Variants in MSRB3 observed in about 807,000 individuals in gnomAD.
MSRB3 encodes the protein methionine-R-sulfoxide reductase B3.
Under a neutral mutation model 21.0 loss-of-function variants are expected in MSRB3, and 13 were observed. The ratio of observed to expected loss-of-function variants is 0.62; its 90% confidence interval spans 0.40 to 0.98. MSRB3 has a LOEUF of 0.98. Among genes scored for constraint, MSRB3 ranks in the 50% least tolerant of loss-of-function variants. The pLI is 0.00. For missense variants in MSRB3, 199 were observed against 230.3 expected, an observed-to-expected ratio of 0.86 and a Z score of 0.88; for synonymous variants, 87 against 88.6, an observed-to-expected ratio of 0.98 and a Z score of 0.10.
intron 4 of MSRB3, among the ~76,000 whole-genome samples, chr12:65,342,715 A>G (rs1876225304): frequency 6.6e-6 from 1 of 152,056 alleles, no homozygotes; most frequent in South Asian, 2.1e-4. Context: ...AAATAATTTC[A>G]ATGTCCAAAA....
chr12:65,405,248 G>A (rs1317578189), intron 5 of MSRB3, among the ~76,000 whole-genome samples: 2 of 151,910 alleles, frequency 1.3e-5, no homozygotes, highest in African/African-American at 4.8e-5. Flanking sequence ...CACCATACCT[G>A]GCTTACTTAA....
chr12:65,461,101 G>A (rs1031378153), intron 6 of MSRB3, among the ~76,000 whole-genome samples: 5 of 152,002 alleles, frequency 3.3e-5, no homozygotes, highest in Non-Finnish European at 5.9e-5. Flanking sequence ...AGGCTTTTAG[G>A]TATATGAAAA....
At chr12:65,306,168 T>C (rs746958585) in intron 1 of MSRB3, among the ~76,000 whole-genome samples, 1 of 152,228 alleles carries the variant, frequency 6.6e-6, no homozygotes, top group African/African-American at 2.4e-5. Flanking sequence ...CCATCTTTCA[T>C]GCAAATATAT....
chr12:65,418,804 G>C, intron 5 of MSRB3: 2 of 944,994 alleles, frequency 2.1e-6, no homozygotes, highest in Non-Finnish European at 3.4e-6. Context: ...CTTTTGGATG[G>C]TTTGCATGGA....
chr12:65,335,610 TTG>T (rs895293320), intron 4 of MSRB3, among the ~76,000 whole-genome samples: 1 of 151,778 alleles, frequency 6.6e-6, no homozygotes. Context: ...TGATGCAATT[TTG>T]TGTGTGTGTG....
chr12:65,320,687 C>G (rs1016936897), intron 2 of MSRB3, among the ~76,000 whole-genome samples: 3 of 152,084 alleles, frequency 2.0e-5, no homozygotes, highest in African/African-American at 4.8e-5. Flanking sequence ...AAATACTTTC[C>G]GAGAGCTATT....
chr12:65,351,475 A>C (rs1352276526), intron 4 of MSRB3, among the ~76,000 whole-genome samples: 2 of 148,026 alleles, frequency 1.4e-5, no homozygotes, highest in Non-Finnish European at 3.0e-5. Flanking sequence ...AGCAGAACTG[A>C]AGGAAATAGA....
intron 5 of MSRB3, among the ~76,000 whole-genome samples, chr12:65,443,821 G>T (rs1882493385): frequency 6.6e-6 from 1 of 152,002 alleles, no homozygotes; most frequent in African/African-American, 2.4e-5. Flanking sequence ...TTTTCATCCT[G>T]TAAAAAGGAA....
At chr12:65,360,640 GA>G (rs747129010) in intron 4 of MSRB3, among the ~76,000 whole-genome samples, 12 of 151,956 alleles carry the variant, frequency 7.9e-5, no homozygotes, top group Admixed American at 2.0e-4. Context: ...GGAATGCAGG[GA>G]AAAAAAGTAG....
At chr12:65,350,520 T>C (rs1400109070) in intron 4 of MSRB3, among the ~76,000 whole-genome samples, 1 of 151,030 alleles carries the variant, frequency 6.6e-6, no homozygotes, top group African/African-American at 2.5e-5. Flanking sequence ...GACTGGCAAA[T>C]TGGATAAAGA....
intron 1 of MSRB3, among the ~76,000 whole-genome samples, chr12:65,290,948 T>A (rs920941588): frequency 1.1e-4 from 17 of 152,294 alleles, no homozygotes; most frequent in African/African-American, 4.1e-4. Flanking sequence ...AACTACTGAT[T>A]TTACCCAAAC....
chr12:65,379,114 A>G (rs1183699323), intron 5 of MSRB3, among the ~76,000 whole-genome samples: 2 of 152,216 alleles, frequency 1.3e-5, no homozygotes, highest in Non-Finnish European at 2.9e-5. Flanking sequence ...GGTCCTGGCT[A>G]GTGAGACCTC....
chr12:65,307,147 C>T, intron 1 of MSRB3: 1 of 542,904 alleles, frequency 1.8e-6, no homozygotes, highest in Non-Finnish European at 2.3e-6. Context: ...CAGTAGTCTG[C>T]TCCAAAGGAA....
At chr12:65,451,534 C>T (rs1882857435) in intron 5 of MSRB3, among the ~76,000 whole-genome samples, 2 of 152,158 alleles carry the variant, frequency 1.3e-5, no homozygotes, top group South Asian at 2.1e-4. Flanking sequence ...TTTGGCTTTG[C>T]TACTTACTGC....
intron 4 of MSRB3, among the ~76,000 whole-genome samples, chr12:65,364,304 T>G (rs1401032709): frequency 2.0e-5 from 3 of 152,180 alleles, no homozygotes; most frequent in African/African-American, 4.8e-5. Flanking sequence ...AATATGTCTG[T>G]GTGCCCACTT....
At chr12:65,346,013 T>C (rs1251422043) in intron 4 of MSRB3, among the ~76,000 whole-genome samples, 1 of 152,200 alleles carries the variant, frequency 6.6e-6, no homozygotes, top group African/African-American at 2.4e-5. Flanking sequence ...GTTCCAAGTC[T>C]TTGCTATTGT....
rs534409115 is a variant in MSRB3, at chr12:65,300,115, A to G, written c.-51-8414A>G. Among the ~76,000 whole-genome samples the G allele has an allele frequency of 3.0e-4, 46 of 152,338 alleles. 1 individual carries two copies. Among genetic ancestry groups the G allele is most frequent in the African/African-American group, 9.9e-4 (41 of 41,588 alleles). The stretch of plus-strand genomic sequence containing the variant: ...GTCTGGATTTAGGCATTGACTTGCT[A>G]GATCACTAGCTTTCTACAGTGAATG... On this transcript the variant is annotated intron_variant, in intron 1 of 6. Transcript: ENST00000308259.
intron 5 of MSRB3, among the ~76,000 whole-genome samples, chr12:65,436,561 CT>C (rs1882127543): frequency 6.6e-6 from 1 of 151,718 alleles, no homozygotes; most frequent in South Asian, 2.1e-4. Context: ...TCAAGAAACC[CT>C]GATTTGGGTG....
At chr12:65,433,247 G>A (rs1881967373) in intron 5 of MSRB3, among the ~76,000 whole-genome samples, 1 of 151,602 alleles carries the variant, frequency 6.6e-6, no homozygotes, top group Non-Finnish European at 1.5e-5. Context: ...AGTTTCTTCT[G>A]TTACAAATTT....
Sources: allele counts gnomAD v4.1 joint callset (sites outside exome capture counted in the v4.1 genomes callset), GRCh38; gene constraint gnomAD v4.1.1; transcripts MANE v1.5; gene names NCBI Gene and HGNC (gene_info 2026-07-23, HGNC 2026-07-21).